Variants in SMIM36 observed in about 807,000 individuals in gnomAD.
SMIM36 encodes the protein small integral membrane protein 36.
At chr17:55,456,946 C>A (rs1309006913) in intron 4 of SMIM36, among the ~76,000 whole-genome samples, 1 of 152,160 alleles carries the variant, frequency 6.6e-6, no homozygotes, top group African/African-American at 2.4e-5. Context: ...CATTAAACAT[C>A]CAGCATTTTG....
intron 4 of SMIM36, chr17:55,458,589 A>G (rs1409254538): frequency 8.7e-6 from 1 of 114,506 alleles, no homozygotes; most frequent in African/African-American, 3.4e-5. Flanking sequence ...CCCGTACCAC[A>G]CACACATCCT....
At chr17:55,477,471 T>C (rs1909444101) in intron 3 of SMIM36, among the ~76,000 whole-genome samples, 1 of 152,190 alleles carries the variant, frequency 6.6e-6, no homozygotes, top group South Asian at 2.1e-4. Flanking sequence ...AATTTCCCCC[T>C]TTTTATAATT....
chr17:55,486,102 C>T lies in SMIM36; in HGVS notation c.*175-6522G>A, dbSNP rs981085238. On this transcript the variant is annotated intron_variant, in intron 1 of 4. Coordinates refer to ENST00000636752, the Ensembl canonical transcript of SMIM36. ...GCAGGCTGGAGTGCAATGGCGTGATCTCCGCTCAATGCAACCTCGCCTCCC... is the reference window on the plus strand; with the variant it reads ...GCAGGCTGGAGTGCAATGGCGTGATTTCCGCTCAATGCAACCTCGCCTCCC... 2.3e-4 allele frequency among the ~76,000 whole-genome samples: 34 copies of T among 146,844 alleles called. No homozygotes were observed. The East Asian group carries it at 6.3e-3, about 27-fold the overall frequency.
chr17:55,495,374 CA>C (rs988915003), intron 1 of SMIM36, among the ~76,000 whole-genome samples: 15 of 152,228 alleles, frequency 9.9e-5, no homozygotes, highest in African/African-American at 3.6e-4. Context: ...CAGCATGCTA[CA>C]AACCCATGGA....
At chr17:55,489,100 G>A (rs1201883522) in intron 1 of SMIM36, among the ~76,000 whole-genome samples, 2 of 152,234 alleles carry the variant, frequency 1.3e-5, no homozygotes, top group Middle Eastern at 3.4e-3. Flanking sequence ...ATGTAAGGCC[G>A]GGCACAATGA....
At chr17:55,490,335 G>A (rs979016514) in intron 1 of SMIM36, among the ~76,000 whole-genome samples, 4 of 152,036 alleles carry the variant, frequency 2.6e-5, no homozygotes, top group Admixed American at 6.6e-5. Flanking sequence ...GCTTCTTTTT[G>A]CTGTTACATT....
chr17:55,526,904 T>C, the SMIM36 span: 4 of 152,184 alleles, frequency 2.6e-5, no homozygotes, highest in Non-Finnish European at 4.4e-5. Flanking sequence ...AATCCCAGGA[T>C]ACCACCAAGC....
the SMIM36 span, among the ~76,000 whole-genome samples, chr17:55,525,050 T>C: frequency 5.3e-5 from 8 of 152,204 alleles, no homozygotes; most frequent in African/African-American, 1.9e-4. Context: ...TGTTTTTATG[T>C]GGCAGAGCCA....
At chr17:55,472,363 C>G (rs980858750) in intron 3 of SMIM36, among the ~76,000 whole-genome samples, 3 of 151,778 alleles carry the variant, frequency 2.0e-5, no homozygotes, top group Non-Finnish European at 4.4e-5. Context: ...TAAAGGAATG[C>G]ATATTAACAT....
intron 1 of SMIM36, among the ~76,000 whole-genome samples, chr17:55,480,295 A>G (rs1026655268): frequency 1.3e-5 from 2 of 152,104 alleles, no homozygotes; most frequent in Non-Finnish European, 2.9e-5. Flanking sequence ...CCAGGCCTGA[A>G]TATTAAATGC....
chr17:55,455,465 C>G (rs1909000217), intron 4 of SMIM36, among the ~76,000 whole-genome samples: 1 of 151,944 alleles, frequency 6.6e-6, no homozygotes, highest in Non-Finnish European at 1.5e-5. Context: ...CCACTGTCAC[C>G]TTAGCCTTCC....
At chr17:55,469,746 G>A (rs544948868) in intron 3 of SMIM36, among the ~76,000 whole-genome samples, 2 of 152,184 alleles carry the variant, frequency 1.3e-5, no homozygotes, top group Non-Finnish European at 1.5e-5. Context: ...TTGGGAGGCC[G>A]AGGTAGGCGG....
the SMIM36 span, among the ~76,000 whole-genome samples, chr17:55,528,871 A>G: frequency 6.6e-6 from 1 of 152,178 alleles, no homozygotes; most frequent in African/African-American, 2.4e-5. Context: ...TTAAACCTAT[A>G]ACGTAATTGT....
intron 1 of SMIM36, among the ~76,000 whole-genome samples, chr17:55,500,915 TTATAA>T (rs1487511983): frequency 9.5e-5 from 3 of 31,650 alleles, no homozygotes; most frequent in Non-Finnish European, 1.4e-4. Context: ...TTATAATATA[TTATAA>T]TATATTATAT....
intron 1 of SMIM36, among the ~76,000 whole-genome samples, chr17:55,498,671 G>A (rs1230243105): frequency 6.6e-6 from 1 of 150,902 alleles, no homozygotes; most frequent in African/African-American, 2.4e-5. Flanking sequence ...TTTTTTAGTT[G>A]AGGAAAAAGG....
chr17:55,457,753 T>C (rs1305943603), intron 4 of SMIM36, among the ~76,000 whole-genome samples: 4 of 151,986 alleles, frequency 2.6e-5, no homozygotes, highest in African/African-American at 9.7e-5. Context: ...CTCGAACTCC[T>C]GGCCTCAGGC....
chr17:55,516,470 T>C, the SMIM36 span, among the ~76,000 whole-genome samples: 1 of 152,060 alleles, frequency 6.6e-6, no homozygotes, highest in Non-Finnish European at 1.5e-5. Flanking sequence ...ATATTGGCTT[T>C]GTGTATCAAG....
At chr17:55,460,439 AC>A (rs199980936) in intron 4 of SMIM36, among the ~76,000 whole-genome samples, 9,160 of 96,514 alleles carry the variant, frequency 0.095, 969 homozygotes, top group African/African-American at 0.26. Flanking sequence ...GAAACAAAAA[AC>A]AAAAAACAAA....
At chr17:55,475,053 C>T (rs1227711825) in intron 3 of SMIM36, among the ~76,000 whole-genome samples, 1 of 151,976 alleles carries the variant, frequency 6.6e-6, no homozygotes, top group Non-Finnish European at 1.5e-5. Context: ...TTTTGGACCC[C>T]CCACAGTGTT....
Sources: gnomAD v4.1 joint callset for allele counts (sites outside exome capture counted in the v4.1 genomes callset) on GRCh38, gnomAD v4.1.1 for gene constraint, MANE v1.5 for transcripts, NCBI Gene and HGNC (gene_info 2026-07-23, HGNC 2026-07-21) for gene names.